The following FAM167A variants were observed in gnomAD, a reference collection of about 807,000 sequenced individuals.
The protein encoded by FAM167A is family with sequence similarity 167 member A.
A neutral mutation model predicts 14.9 loss-of-function variants in FAM167A; 23 were observed. The ratio of observed to expected loss-of-function variants is 1.55; its 90% CI spans 1.11 to 2.19. FAM167A has a LOEUF of 2.19. Among genes scored for constraint, FAM167A ranks in the 30% most tolerant of loss-of-function variants. The pLI, the probability that FAM167A is intolerant of heterozygous loss-of-function variation, is 0.00. For missense variants in FAM167A, 401 were observed against 281.5 expected, an observed-to-expected ratio of 1.42 and a Z score of -3.04; for synonymous variants, 174 against 117.7, an observed-to-expected ratio of 1.48 and a Z score of -3.10.
At chr8:11,446,367 C>T (rs887445581) in intron 1 of FAM167A, 1 of 152,010 alleles carries the variant, frequency 6.6e-6, no homozygotes, top group Admixed American at 6.5e-5. Context: ...AAGGAATAGT[C>T]CACCCCAACT....
rs142909490 is a variant in FAM167A, at chr8:11,462,619, G to A, written c.-398+4007C>T. 3.4e-4 allele frequency among the ~76,000 whole-genome samples: 51 copies of A among 152,228 alleles called. No individual in the cohort carries two copies. In the South Asian group the frequency reaches 6.2e-3, roughly 19 times the overall value. On this transcript the variant is annotated intron_variant, in intron 1 of 2. Coordinates refer to ENST00000284486, the MANE Select transcript of FAM167A (RefSeq NM_053279.3). ...CAGACTGCACGCTCCCTGAGGGCAC[G>A]GCCTTCACCTTCTGCTTCCTTGGTA... is the stretch of plus-strand genomic sequence containing the variant.
At chr8:11,455,806 G>A (rs973701189) in intron 1 of FAM167A, among the ~76,000 whole-genome samples, 28 of 148,764 alleles carry the variant, frequency 1.9e-4, no homozygotes, top group Non-Finnish European at 3.0e-4. Flanking sequence ...TGTGAGTGTT[G>A]GGTGGTTGCC....
chr8:11,424,648 G>T lies in FAM167A; in HGVS notation c.382-12C>A, dbSNP rs773953753. The T allele has an allele frequency of 3.7e-6, 6 of 1,612,526 alleles. No homozygotes were observed. In the South Asian group the frequency reaches 5.5e-5, roughly 15 times the overall value. On this transcript the variant is annotated splice_polypyrimidine_tract_variant and intron_variant, in intron 2 of 2. Coordinates refer to ENST00000284486, the MANE Select transcript of FAM167A (RefSeq NM_053279.3). The stretch of plus-strand genomic sequence containing the variant: ...AGCCGCATCTCCGTCTGGAAGGGAG[G>T]GGGAGCAGGCAGGGTCAGCAGAGAG...
Position 11,432,220 on chromosome 8 carries a change from G to A in FAM167A, c.382-7584C>T, listed in dbSNP as rs78180558. On this transcript the variant is annotated intron_variant, in intron 2 of 2. Transcript: ENST00000284486. ...GGACTGATGTCTATGGGTCTAAAAC[G>A]GCCCAAAGATTTTAGGAATTAAAAA... Among the ~76,000 whole-genome samples the A allele has an allele frequency of 2.0e-3, 311 of 152,148 alleles. 2 individuals are homozygous for A. The highest frequency in any genetic ancestry group is 6.7e-3 in the African/African-American group (277 of 41,488).
At chr8:11,470,753 G>A (rs926418935), upstream of FAM167A, among the ~76,000 whole-genome samples, 3 of 152,164 alleles carry the variant, frequency 2.0e-5, no homozygotes, top group Admixed American at 2.0e-4. Context: ...GCTCCAGGCA[G>A]CAATGAAGAC....
intron 1 of FAM167A, among the ~76,000 whole-genome samples, chr8:11,466,139 T>C (rs1204501284): frequency 6.6e-6 from 1 of 151,588 alleles, no homozygotes; most frequent in African/African-American, 2.4e-5. Flanking sequence ...CTGGCTTGGG[T>C]CCTTAGAGCA....
intron 2 of FAM167A, chr8:11,438,111 C>G (rs764362448): frequency 2.8e-5 from 13 of 456,434 alleles, no homozygotes; most frequent in South Asian, 1.4e-4. Context: ...GGAAGCCAGG[C>G]GGCCAGTGGA....
chr8:11,474,394 G>A (rs971882891), intron 1 of FAM167A, among the ~76,000 whole-genome samples: 2 of 152,190 alleles, frequency 1.3e-5, no homozygotes, highest in African/African-American at 4.8e-5. Context: ...GACGGCGCAT[G>A]GAACAGACAA....
rs75141777 is a variant in FAM167A, at chr8:11,462,503, G to A, written c.-398+4123C>T. Among the ~76,000 whole-genome samples the A allele has an allele frequency of 2.1e-3, 316 of 152,288 alleles. 3 individuals are homozygous for A. Among genetic ancestry groups the A allele is most frequent in the African/African-American group, 7.2e-3 (299 of 41,558 alleles). The stretch of plus-strand genomic sequence containing the variant: ...TCACTCTCCTTGGTCCATCGAATTG[G>A]GAAATGGCTCCTGCACTGCGAAAGT... On this transcript the variant is annotated intron_variant, in intron 1 of 2. Transcript: ENST00000284486.
At chr8:11,443,675 G>A in intron 2 of FAM167A, 1 of 220,468 alleles carries the variant, frequency 4.5e-6, no homozygotes, top group Non-Finnish European at 9.1e-6. Flanking sequence ...GCAGGGTGGG[G>A]AGGTTCCAGC....
intron 2 of FAM167A, among the ~76,000 whole-genome samples, chr8:11,434,638 C>G (rs1805868603): frequency 1.3e-5 from 2 of 152,178 alleles, no homozygotes; most frequent in South Asian, 4.1e-4. Flanking sequence ...GTGGGCCAAA[C>G]TACACACCTT....
upstream of FAM167A, among the ~76,000 whole-genome samples, chr8:11,470,428 T>C (rs984393843): frequency 1.3e-5 from 2 of 151,528 alleles, no homozygotes; most frequent in African/African-American, 4.9e-5. Context: ...AGGCAGGGAG[T>C]AGAGCATGGG....
chr8:11,446,915 G>A (rs559749932), intron 1 of FAM167A, among the ~76,000 whole-genome samples: 3 of 152,204 alleles, frequency 2.0e-5, no homozygotes, highest in Admixed American at 6.5e-5. Context: ...TGGCAGGGGA[G>A]CTCTGATTAG....
Position 11,421,878 on chromosome 8 carries a change from C to A in FAM167A, c.*2495G>T. On this transcript the variant is annotated 3_prime_UTR_variant, in exon 3 of 3. Coordinates refer to ENST00000284486, the MANE Select transcript of FAM167A (RefSeq NM_053279.3). ...GCCAATGTTGCTGCTGACTCATAGACCCACAGAGAGCAGGGACTTCACAAA... is the reference window on the plus strand; with the variant it reads ...GCCAATGTTGCTGCTGACTCATAGAACCACAGAGAGCAGGGACTTCACAAA... The A allele has an allele frequency of 2.5e-6, 1 of 395,262 alleles. No homozygotes were observed. The highest frequency in any genetic ancestry group is 4.5e-6 in the Non-Finnish European group (1 of 223,778). The allele number at this position is 395,262 out of a possible 1,614,324, so 24.5% of individuals were successfully genotyped here.
At chr8:11,425,193 G>C (rs1487617582) in intron 2 of FAM167A, among the ~76,000 whole-genome samples, 2 of 152,150 alleles carry the variant, frequency 1.3e-5, no homozygotes, top group South Asian at 4.1e-4. Context: ...CTAGGTACTG[G>C]GTGTTTTATT....
intron 2 of FAM167A, among the ~76,000 whole-genome samples, chr8:11,431,869 G>T (rs904530332): frequency 6.6e-5 from 8 of 121,814 alleles, no homozygotes; most frequent in Non-Finnish European, 1.1e-4. Flanking sequence ...GGGGGCCACA[G>T]AAGGAGGGTA....
At chr8:11,455,139 CGTGT>C (rs34859056) in intron 1 of FAM167A, among the ~76,000 whole-genome samples, 2 of 143,548 alleles carry the variant, frequency 1.4e-5, no homozygotes, top group East Asian at 2.0e-4. Context: ...TGTGTGTGTG[CGTGT>C]GTGTGTGTGT....
chr8:11,444,240 A>G lies in FAM167A; in HGVS notation c.172T>C (p.Trp58Arg). Residue 58 changes from tryptophan to arginine, a missense_variant, in exon 2 of 3, where the codon TGG becomes CGG. Trp to Arg is a moderately radical substitution (Grantham distance 101, BLOSUM62 -3). Coordinates refer to ENST00000284486, the MANE Select transcript of FAM167A (RefSeq NM_053279.3). ...TCCGCAGCCGGCCTCGGGAAGGGCC[A>G]GGTATGCTCCTCCAGCCTGGCCTGC... is the stretch of plus-strand genomic sequence containing the variant. ...EWQARLEEHT[W>R]PFPRPAAEPQ... The G allele has an allele frequency of 6.2e-7, 1 of 1,611,248 alleles. No homozygotes were observed. Among genetic ancestry groups the G allele is most frequent in the Non-Finnish European group, 8.5e-7 (1 of 1,179,672 alleles).
intron 1 of FAM167A, among the ~76,000 whole-genome samples, chr8:11,455,862 ATGAGTG>A (rs1807244912): frequency 2.4e-5 from 1 of 42,226 alleles, no homozygotes. Flanking sequence ...CCTTATGGGT[ATGAGTG>A]TGAGTGTGGG....
Sources: allele counts gnomAD v4.1 joint callset (sites outside exome capture counted in the v4.1 genomes callset), GRCh38; gene constraint gnomAD v4.1.1; transcripts MANE v1.5; gene names NCBI Gene and HGNC (gene_info 2026-07-23, HGNC 2026-07-21).